Variants in SEC24B observed in about 807,000 individuals in gnomAD.
SEC24B encodes protein transport protein Sec24B.
SEC24B carries 45 observed loss-of-function variants against 142.8 expected under a neutral mutation model. The observed-to-expected ratio is 0.32, with a 90% CI of 0.25 to 0.40. The LOEUF (loss-of-function observed/expected upper bound fraction) is 0.40, where lower values mean the gene tolerates loss of function less well. Ranked by LOEUF, SEC24B falls within the 10% of genes least tolerant of loss-of-function variation. The pLI, the probability that SEC24B is intolerant of heterozygous loss-of-function variation, is 1.00. For synonymous variants in SEC24B, 574 were observed against 568.2 expected, an observed-to-expected ratio of 1.01 and a Z score of -0.15; for missense variants, 1,409 against 1,526.8, an observed-to-expected ratio of 0.92 and a Z score of 1.29.
intron 4 of SEC24B, among the ~76,000 whole-genome samples, chr4:109,485,437 C>T (rs1053334527): frequency 6.6e-5 from 10 of 152,122 alleles, no homozygotes; most frequent in Middle Eastern, 3.2e-3. Context: ...AGAACATAAA[C>T]GGCCAGAGTA....
chr4:109,530,420 T>G lies in SEC24B; in HGVS notation c.3208T>G (p.Ser1070Ala), dbSNP rs755041853. 2 of 1,613,964 alleles carry G rather than the reference T, an allele frequency of 1.2e-6. No individual in the cohort carries two copies. The highest frequency in any genetic ancestry group is 1.3e-5 in the African/African-American group (1 of 74,914). Residue 1070 changes from serine to alanine, a missense_variant, in exon 19 of 24, where the codon TCC (serine) becomes GCC (alanine). Physicochemically the swap from Ser to Ala is moderately conservative, Grantham distance 99. Transcript: ENST00000265175. ...LQHSALMAPS[S>A]LKLFPLYVLA... is the part of the protein sequence containing the mutation. ...GCACTCTGCATTGATGGCGCCCAGC[T>G]CCCTCAAGTTGTTTCCTCTCTATGT...
At chr4:109,534,477 C>T (rs967314618) in intron 22 of SEC24B, among the ~76,000 whole-genome samples, 7 of 151,904 alleles carry the variant, frequency 4.6e-5, no homozygotes, top group Admixed American at 3.9e-4. Context: ...GTCCCAGCTA[C>T]TCTGGAGGCT....
intron 4 of SEC24B, 131 bp from the exon 5 acceptor site, chr4:109,491,196 A>G (rs1734984610): frequency 1.6e-6 from 1 of 632,864 alleles, no homozygotes; most frequent in Non-Finnish European, 2.8e-6. Context: ...CTAGACATCA[A>G]TCATTTTACT....
At chr4:109,506,206 C>A in intron 6 of SEC24B, 122 bp from the exon 7 acceptor site, 1 of 607,024 alleles carries the variant, frequency 1.6e-6, no homozygotes, top group Non-Finnish European at 2.5e-6. Flanking sequence ...TGACTGCATA[C>A]CAAGCCAGAT....
intron 1 of SEC24B, among the ~76,000 whole-genome samples, chr4:109,456,334 G>GTTTTTTTTTTTTTTTT (rs70949081): frequency 1.1e-5 from 1 of 94,102 alleles, no homozygotes; most frequent in Non-Finnish European, 2.1e-5. Context: ...GGTTTTTTTT[G>GTTTTTTTTTTTTTTTT]TTTTTTTTTT....
At chr4:109,475,469 G>A (rs1733012612) in intron 3 of SEC24B, among the ~76,000 whole-genome samples, 1 of 152,128 alleles carries the variant, frequency 6.6e-6, no homozygotes, top group African/African-American at 2.4e-5. Context: ...TTGCTTAGTT[G>A]TTCTCCCAAG....
In SEC24B at chr4:109,439,858, C is replaced by T. The variant is rs138671622; in HGVS notation, c.133+5856C>T. 2.0e-3 allele frequency among the ~76,000 whole-genome samples: 305 copies of T among 151,384 alleles called. 3 individuals are homozygous for T. The highest frequency in any genetic ancestry group is 6.7e-3 in the African/African-American group (279 of 41,384). Reference sequence around the variant, plus strand: ...AAAGTAGGCCGAGCATGGTGGCTTACGCCTGTAATCCAAGCACTTTGGGAG... The same window carrying T: ...AAAGTAGGCCGAGCATGGTGGCTTATGCCTGTAATCCAAGCACTTTGGGAG... On this transcript the variant is annotated intron_variant, in intron 1 of 23. Transcript: ENST00000265175.
At chr4:109,517,239 CAGAT>C (rs1012725371) in intron 11 of SEC24B, among the ~76,000 whole-genome samples, 3 of 152,256 alleles carry the variant, frequency 2.0e-5, no homozygotes, top group East Asian at 1.9e-4. Flanking sequence ...TATCCATCAA[CAGAT>C]GGATGGATAA....
chr4:109,478,023 T>C (rs943107049), intron 3 of SEC24B, among the ~76,000 whole-genome samples: 1 of 152,212 alleles, frequency 6.6e-6, no homozygotes, highest in Non-Finnish European at 1.5e-5. Flanking sequence ...GGCTCACGCC[T>C]GTAATACCAG....
intron 1 of SEC24B, among the ~76,000 whole-genome samples, chr4:109,453,794 G>T (rs751289632): frequency 2.3e-4 from 35 of 152,148 alleles, no homozygotes; most frequent in African/African-American, 8.2e-4. Flanking sequence ...AGTGATAAAT[G>T]TCTATGAGAT....
intron 1 of SEC24B, among the ~76,000 whole-genome samples, chr4:109,450,066 A>G (rs896412065): frequency 6.6e-6 from 1 of 152,006 alleles, no homozygotes; most frequent in Non-Finnish European, 1.5e-5. Flanking sequence ...TAAAATTATT[A>G]CCAGGGTGTG....
chr4:109,502,505 G>T (rs969699384), intron 6 of SEC24B, among the ~76,000 whole-genome samples: 4 of 152,212 alleles, frequency 2.6e-5, no homozygotes, highest in Admixed American at 1.3e-4. Context: ...TGTAAAAAGT[G>T]AATAGATAAG....
At position 109,505,287 on chromosome 4, in the gene SEC24B, A is replaced by G. The variant is rs556553577; in HGVS notation, c.1489-1041A>G. Among the ~76,000 whole-genome samples the G allele has an allele frequency of 3.3e-5, 5 of 152,270 alleles. No homozygotes were observed. The South Asian group carries it at 8.3e-4, about 25-fold the overall frequency. ...CTAATACCAAGAAAAGTACTGTTCA[A>G]GCTGATCTTAAAACCTAGTATTTTA... On this transcript the variant is annotated intron_variant, in intron 6 of 23. Transcript: ENST00000265175.
At chr4:109,463,690 C>T (rs1467201529) in intron 2 of SEC24B, 46 bp downstream of exon 2, 1 of 1,572,446 alleles carries the variant, frequency 6.4e-7, no homozygotes, top group African/African-American at 1.4e-5. Context: ...AAAATCAGTG[C>T]ATTCCCAATT....
In SEC24B at chr4:109,521,183, T is replaced by C; in HGVS notation, c.2301+11T>C. On this transcript the variant is annotated intron_variant, in intron 13 of 23. Transcript: ENST00000265175. ...TATGAAAGTAAAGAGGTAAGATTGA[T>C]TTATTTTCTTAAAGCATAAAAATAT... The C allele has an allele frequency of 6.9e-7, 1 of 1,457,496 alleles. No individual in the cohort carries two copies. The highest frequency in any genetic ancestry group is 9.5e-7 in the Non-Finnish European group (1 of 1,049,470). The allele number at this position is 1,457,496 out of a possible 1,614,324, so 90.3% of individuals were successfully genotyped here.
intron 3 of SEC24B, among the ~76,000 whole-genome samples, chr4:109,481,166 G>GT (rs147609978): frequency 2.6e-5 from 4 of 151,920 alleles, no homozygotes; most frequent in African/African-American, 9.7e-5. Context: ...GCCGAATACA[G>GT]TTTTTTTCTT....
intron 22 of SEC24B, among the ~76,000 whole-genome samples, chr4:109,537,342 A>G (rs752414749): frequency 3.3e-5 from 5 of 152,240 alleles, no homozygotes; most frequent in East Asian, 1.9e-4. Context: ...CCATTTGACA[A>G]TGTCTGTGAA....
At position 109,517,947 on chromosome 4, in the gene SEC24B, GTTTATTTATTTA is replaced by G. The variant is rs72178897; in HGVS notation, c.2126+1331_2126+1342del. Among the ~76,000 whole-genome samples the G allele has an allele frequency of 2.3e-3, 301 of 133,702 alleles. 1 individual carries two copies. Among genetic ancestry groups the G allele is most frequent in the South Asian group, 0.013 (52 of 4,030 alleles). 87.7% of individuals were successfully genotyped at this position (133,702 alleles called of 152,430 possible). ...AACTGAGCATTTTGTTTGTTTGTTT[GTTTATTTATTTA>G]TTTATTTATTTATTTATTTATTTTT... On this transcript the variant is annotated intron_variant, in intron 11 of 23. Transcript: ENST00000265175.
intron 10 of SEC24B, among the ~76,000 whole-genome samples, chr4:109,515,249 C>T (rs1451775187): frequency 6.6e-6 from 1 of 151,908 alleles, no homozygotes; most frequent in Non-Finnish European, 1.5e-5. Context: ...TACAGGCTCC[C>T]GCCACCACGC....
Sources: allele counts gnomAD v4.1 joint callset (sites outside exome capture counted in the v4.1 genomes callset), GRCh38; gene constraint gnomAD v4.1.1; transcripts MANE v1.5; gene names NCBI Gene and HGNC (gene_info 2026-07-23, HGNC 2026-07-21).